Variants in CHN1 observed in about 807,000 individuals in gnomAD.
CHN1 encodes the protein chimerin 1, also known as N-chimaerin.
CHN1 carries 37 observed loss-of-function variants against 59.5 expected under a neutral mutation model. The observed-to-expected ratio is 0.62, with a 90% confidence interval of 0.48 to 0.82. The LOEUF is 0.82. CHN1 is among the 40% of genes least tolerant of loss of function. CHN1 has a pLI of 0.00. For missense variants in CHN1, 469 were observed against 571.0 expected, an observed-to-expected ratio of 0.82 and a Z score of 1.82; for synonymous variants, 206 against 200.4, an observed-to-expected ratio of 1.03 and a Z score of -0.24.
At chr2:174,955,635 A>G (rs1346360781) in intron 1 of CHN1, among the ~76,000 whole-genome samples, 1 of 152,166 alleles carries the variant, frequency 6.6e-6, no homozygotes, top group Non-Finnish European at 1.5e-5. Flanking sequence ...GAAATAAATA[A>G]ATAAATTGAA....
chr2:174,838,352 C>T (rs577093392), intron 7 of CHN1, among the ~76,000 whole-genome samples: 28 of 152,226 alleles, frequency 1.8e-4, no homozygotes, highest in Admixed American at 5.2e-4. Flanking sequence ...CTCGGCCTCC[C>T]AAAGTGCTGG....
intron 11 of CHN1, 118 bp downstream of exon 11, chr2:174,808,787 T>C (rs1047437733): frequency 1.4e-5 from 15 of 1,077,028 alleles, no homozygotes; most frequent in African/African-American, 9.3e-5. Context: ...ACATTAACCA[T>C]AGAGAGAGGC....
chr2:174,823,783 A>G (rs1385804707), intron 8 of CHN1, among the ~76,000 whole-genome samples: 1 of 152,220 alleles, frequency 6.6e-6, no homozygotes, highest in Non-Finnish European at 1.5e-5. Context: ...AGTATCTCAA[A>G]TACATCCTTG....
chr2:174,890,565 T>G (rs928486560), intron 5 of CHN1, among the ~76,000 whole-genome samples: 1 of 152,090 alleles, frequency 6.6e-6, no homozygotes, highest in Admixed American at 6.6e-5. Context: ...ACGCACCTAT[T>G]AGAGCACCCA....
chr2:174,830,395 T>C (rs1045368585), intron 7 of CHN1, among the ~76,000 whole-genome samples: 6 of 152,208 alleles, frequency 3.9e-5, no homozygotes, highest in Non-Finnish European at 2.9e-5. Flanking sequence ...GAATACTTAC[T>C]ATAGGAGTAT....
chr2:174,877,699 A>G (rs942467318), intron 6 of CHN1, 141 bp downstream of exon 6: 1 of 595,868 alleles, frequency 1.7e-6, no homozygotes. Context: ...TGCAAAGCTC[A>G]GCATCACAGA....
intron 7 of CHN1, chr2:174,846,251 G>C: frequency 6.6e-7 from 1 of 1,508,092 alleles, no homozygotes; most frequent in African/African-American, 1.4e-5. Flanking sequence ...CACCTTGAAA[G>C]AAAATTCAAG....
At chr2:174,931,162 AGGAT>A (rs990520678) in intron 3 of CHN1, among the ~76,000 whole-genome samples, 3 of 152,100 alleles carry the variant, frequency 2.0e-5, no homozygotes, top group Non-Finnish European at 4.4e-5. Flanking sequence ...TTTGAGTGAT[AGGAT>A]GATTTTTAAA....
chr2:174,990,991 A>AT (rs2105462701), intron 1 of CHN1, among the ~76,000 whole-genome samples: 1 of 152,330 alleles, frequency 6.6e-6, no homozygotes, highest in Admixed American at 6.5e-5. Context: ...ATTAAATATT[A>AT]TAATAAGCAA....
At chr2:174,976,800 G>A (rs531400603) in intron 1 of CHN1, among the ~76,000 whole-genome samples, 8 of 152,094 alleles carry the variant, frequency 5.3e-5, no homozygotes, top group East Asian at 3.9e-4. Context: ...CAATAAAATC[G>A]TTCATTTCTA....
chr2:174,864,857 C>A (rs915202411), intron 6 of CHN1, among the ~76,000 whole-genome samples: 8 of 152,000 alleles, frequency 5.3e-5, no homozygotes, highest in East Asian at 1.9e-4. Context: ...CAGATGGAGA[C>A]CCTGTCTCTA....
intron 3 of CHN1, among the ~76,000 whole-genome samples, chr2:174,941,851 T>C (rs531681633): frequency 6.6e-5 from 10 of 152,324 alleles, no homozygotes; most frequent in African/African-American, 1.4e-4. Context: ...CCTTAGAATA[T>C]TTCTGAGTTT....
intron 11 of CHN1, among the ~76,000 whole-genome samples, chr2:174,802,578 CAAATG>C (rs1461418771): frequency 6.6e-6 from 1 of 152,152 alleles, no homozygotes; most frequent in Non-Finnish European, 1.5e-5. Flanking sequence ...GTTTTAGTTC[CAAATG>C]AACAAAAACC....
chr2:174,958,071 G>A lies in CHN1; in HGVS notation c.20-5869C>T, dbSNP rs543531348. ...CCAGCTACTCTGGAGGCTGAGGCAG[G>A]AGGACTGCTTGAGCCCAGGAGTTCA... On this transcript the variant is annotated intron_variant, in intron 1 of 12. Transcript: ENST00000409900. Among the ~76,000 whole-genome samples the A allele has an allele frequency of 2.6e-5, 4 of 151,996 alleles. No homozygotes were observed. In the East Asian group the frequency reaches 5.8e-4, roughly 22 times the overall value.
chr2:174,950,275 T>G (rs972118604), intron 2 of CHN1, among the ~76,000 whole-genome samples: 1 of 151,878 alleles, frequency 6.6e-6, no homozygotes, highest in Non-Finnish European at 1.5e-5. Flanking sequence ...TGTCTTTTTT[T>G]TTTGACATAG....
chr2:174,893,198 C>T (rs995250827), intron 5 of CHN1, among the ~76,000 whole-genome samples: 7 of 152,144 alleles, frequency 4.6e-5, no homozygotes, highest in Admixed American at 3.3e-4. Flanking sequence ...TCACAGATGA[C>T]ATCATCTCTT....
At chr2:174,841,734 C>G (rs1223213493) in intron 7 of CHN1, among the ~76,000 whole-genome samples, 2 of 151,774 alleles carry the variant, frequency 1.3e-5, no homozygotes, top group African/African-American at 2.4e-5. Flanking sequence ...AGGAATAATT[C>G]ACATTATTCC....
chr2:174,990,248 TGTGTGTGTGTGTGTGAGAGA>T (rs1691494133), intron 1 of CHN1, among the ~76,000 whole-genome samples: 1 of 96,304 alleles, frequency 1.0e-5, no homozygotes, highest in African/African-American at 3.3e-5. Context: ...TGTGTGTGTG[TGTGTGTGTGTGTGTGAGAGA>T]GAGAGAGAGA....
At chr2:174,984,474 T>C (rs533019182) in intron 1 of CHN1, among the ~76,000 whole-genome samples, 24 of 151,562 alleles carry the variant, frequency 1.6e-4, no homozygotes, top group African/African-American at 5.8e-4. Context: ...GTTGAAGCGA[T>C]TCTCCTGCCT....
Sources: gnomAD v4.1 joint callset for allele counts (sites outside exome capture counted in the v4.1 genomes callset) on GRCh38, gnomAD v4.1.1 for gene constraint, MANE v1.5 for transcripts, NCBI Gene and HGNC (gene_info 2026-07-23, HGNC 2026-07-21) for gene names.